The following GALNT16 variants were observed in gnomAD, a reference collection of about 807,000 sequenced individuals.
GALNT16 encodes polypeptide N-acetylgalactosaminyltransferase 16, also known as UDP-GalNAc:polypeptide N-acetylgalactosaminyltransferase-like protein 1.
In GALNT16, 40 loss-of-function variants were observed where a neutral mutation model predicts 76.1. The observed-to-expected ratio is 0.53, with a 90% CI of 0.41 to 0.68. The LOEUF (loss-of-function observed/expected upper bound fraction) is 0.68. Among genes scored for constraint, GALNT16 ranks in the 30% least tolerant of loss-of-function variants. The pLI, the probability that GALNT16 is intolerant of heterozygous loss-of-function variation, is 0.00. For synonymous variants in GALNT16, 276 were observed against 285.2 expected (o/e 0.97, Z 0.32); for missense variants, 621 against 731.9 (o/e 0.85, Z 1.75).
chr14:69,347,260 C>T, intron 13 of GALNT16, 79 bp downstream of exon 13: 6 of 1,345,922 alleles, frequency 4.5e-6, no homozygotes, highest in Non-Finnish European at 6.0e-6. Flanking sequence ...CTTCCCCCTA[C>T]TCATTCTCCT....
intron 4 of GALNT16, 26 bp from the exon 5 acceptor site, chr14:69,325,936 G>T: frequency 1.2e-6 from 2 of 1,602,528 alleles, no homozygotes; most frequent in Non-Finnish European, 1.7e-6. Flanking sequence ...GTCTAAATGA[G>T]CTTGCCTTCC....
intron 3 of GALNT16, 110 bp from the exon 4 acceptor site, chr14:69,325,227 A>T: frequency 6.6e-6 from 5 of 759,952 alleles, no homozygotes; most frequent in Non-Finnish European, 1.2e-5. Flanking sequence ...AGCGCCCAGC[A>T]TGCTGGCCCT....
At chr14:69,377,804 C>CAA in the GALNT16 span, among the ~76,000 whole-genome samples, 474 of 37,466 alleles carry the variant, frequency 0.013, 70 homozygotes, top group East Asian at 0.024. Flanking sequence ...GAGACTGTCT[C>CAA]AAAAAAAAAA....
the GALNT16 span, among the ~76,000 whole-genome samples, chr14:69,377,835 A>AAAAAAT: frequency 8.0e-6 from 1 of 125,150 alleles, no homozygotes; most frequent in African/African-American, 3.2e-5. Context: ...AAAAAAAAAA[A>AAAAAAT]GAACATGAAC....
chr14:69,262,122 C>G (rs1203157588), intron 1 of GALNT16, among the ~76,000 whole-genome samples: 1 of 152,226 alleles, frequency 6.6e-6, no homozygotes, highest in Non-Finnish European at 1.5e-5. Flanking sequence ...GCCCTAGTCT[C>G]AGGCAAGGCA....
chr14:69,373,967 G>A, the GALNT16 span, among the ~76,000 whole-genome samples: 1 of 152,080 alleles, frequency 6.6e-6, no homozygotes, highest in Non-Finnish European at 1.5e-5. Context: ...TTTTTGTAGA[G>A]ATGAGGTTTT....
the GALNT16 span, among the ~76,000 whole-genome samples, chr14:69,379,873 C>T: frequency 6.6e-6 from 1 of 152,092 alleles, no homozygotes; most frequent in East Asian, 1.9e-4. Context: ...AGCTTTATCA[C>T]CAGAAAGTCA....
chr14:69,385,079 A>G, the GALNT16 span, among the ~76,000 whole-genome samples: 4 of 152,158 alleles, frequency 2.6e-5, no homozygotes, highest in African/African-American at 9.7e-5. Context: ...CTCTGTTTCC[A>G]GCACCTCCTC....
At chr14:69,285,442 G>A (rs55674833) in intron 1 of GALNT16, among the ~76,000 whole-genome samples, 75,626 of 151,106 alleles carry the variant, frequency 0.5, 19,196 homozygotes, top group African/African-American at 0.59. Context: ...AATGTGTAGT[G>A]TCATGTGTGG....
In GALNT16 at chr14:69,290,786, C is replaced by A. The variant is rs138143417; in HGVS notation, c.178-29925C>A. Among the ~76,000 whole-genome samples the A allele has an allele frequency of 3.4e-3, 525 of 152,278 alleles. 3 individuals carry two copies. The highest frequency in any genetic ancestry group is 0.012 in the African/African-American group (508 of 41,552). On this transcript the variant is annotated intron_variant, in intron 1 of 14. Coordinates refer to ENST00000448469, the MANE Select transcript of GALNT16 (RefSeq NM_001168368.2). ...AAAATGAGTGTGGCGAATGGAAATG[C>A]TATTTCAGCCTTAAATGGAAAGAAT...
intron 7 of GALNT16, among the ~76,000 whole-genome samples, chr14:69,332,181 A>G (rs2045359640): frequency 6.6e-6 from 1 of 152,234 alleles, no homozygotes; most frequent in African/African-American, 2.4e-5. Flanking sequence ...GATATATTAC[A>G]TTAAAAATAT....
the GALNT16 span, among the ~76,000 whole-genome samples, chr14:69,363,764 C>T: frequency 6.6e-6 from 1 of 152,176 alleles, no homozygotes; most frequent in Non-Finnish European, 1.5e-5. Context: ...CCAGTCCTAA[C>T]CCTGGTTCCT....
chr14:69,307,752 T>C (rs76234836), intron 1 of GALNT16, among the ~76,000 whole-genome samples: 2 of 152,306 alleles, frequency 1.3e-5, no homozygotes, highest in African/African-American at 4.8e-5. Flanking sequence ...TTAGAAAATA[T>C]GTTTTTTAAT....
intron 1 of GALNT16, among the ~76,000 whole-genome samples, chr14:69,295,289 C>G (rs965673054): frequency 6.6e-6 from 1 of 151,744 alleles, no homozygotes; most frequent in South Asian, 2.1e-4. Flanking sequence ...GTGGCGCATG[C>G]CTATAGTACC....
At chr14:69,263,690 G>A (rs1160747261) in intron 1 of GALNT16, among the ~76,000 whole-genome samples, 1 of 152,208 alleles carries the variant, frequency 6.6e-6, no homozygotes, top group Non-Finnish European at 1.5e-5. Context: ...GGCATTACAG[G>A]GTGTCGGCAT....
At chr14:69,318,142 A>G (rs1282206306) in intron 1 of GALNT16, among the ~76,000 whole-genome samples, 1 of 152,362 alleles carries the variant, frequency 6.6e-6, no homozygotes, top group African/African-American at 2.4e-5. Context: ...TGTTGTTTCC[A>G]TGACACCTGT....
chr14:69,301,249 A>G (rs929847638), intron 1 of GALNT16, among the ~76,000 whole-genome samples: 3 of 152,216 alleles, frequency 2.0e-5, no homozygotes, highest in Non-Finnish European at 2.9e-5. Context: ...GAAAGAGTCC[A>G]TAGCTTTTAA....
intron 2 of GALNT16, 24 bp downstream of exon 2, chr14:69,320,892 G>A (rs1308505686): frequency 6.2e-7 from 1 of 1,604,624 alleles, no homozygotes. Flanking sequence ...CGTGTCAGTG[G>A]AGGAAGAAAG....
chr14:69,382,260 G>T, the GALNT16 span, among the ~76,000 whole-genome samples: 4 of 152,276 alleles, frequency 2.6e-5, no homozygotes, highest in South Asian at 8.3e-4. Context: ...TTTTAAAAAT[G>T]CTTAACCAAA....
Sources: gnomAD v4.1 joint callset for allele counts (sites outside exome capture counted in the v4.1 genomes callset) on GRCh38, gnomAD v4.1.1 for gene constraint, MANE v1.5 for transcripts, NCBI Gene and HGNC (gene_info 2026-07-23, HGNC 2026-07-21) for gene names.